Variants in CHGB observed in about 807,000 individuals in gnomAD.
CHGB encodes the protein chromogranin B.
In CHGB, 46 loss-of-function variants were observed where a neutral mutation model predicts 69.9. That is an observed-to-expected ratio of 0.66 (90% CI 0.52 to 0.84). The LOEUF (loss-of-function observed/expected upper bound fraction) is 0.84, where lower values mean the gene tolerates loss of function less well. Ranked by LOEUF, CHGB falls within the 40% of genes least tolerant of loss-of-function variation. The probability of loss-of-function intolerance (pLI) is 0.00; values close to 1 mark genes in which losing one functional copy is unlikely to be tolerated. For synonymous variants in CHGB, 312 were observed against 298.2 expected, an observed-to-expected ratio of 1.05 and a Z score of -0.48; for missense variants, 796 against 822.2, an observed-to-expected ratio of 0.97 and a Z score of 0.39.
Position 5,924,970 on chromosome 20 carries a change from A to G in CHGB, c.1957-2A>G, listed in dbSNP as rs779773203. 5 of 1,608,244 alleles carry G rather than the reference A, an allele frequency of 3.1e-6. No homozygotes were observed. Among genetic ancestry groups the G allele is most frequent in the East Asian group, 2.2e-5 (1 of 44,858 alleles). ...ATGCCTCCACTTTTCTGTATTTTCC[A>G]GAAAAAAGAACTCGAAAACTTGGCT... On this transcript the variant is annotated splice_acceptor_variant, in intron 4 of 4. Transcript: ENST00000378961. LOFTEE classifies it high-confidence loss of function.
At position 5,912,700 on chromosome 20, in the gene CHGB, T is replaced by C. The variant is rs12625175; in HGVS notation, c.49+1018T>C. On this transcript the variant is annotated intron_variant, in intron 1 of 4. Coordinates refer to ENST00000378961, the MANE Select transcript of CHGB (RefSeq NM_001819.3). Reference sequence around the variant, plus strand: ...TACCGGTATTGAGATATTGAGACTATTGAGAAGTAAGTATACTAGCACCAA... The same window carrying C: ...TACCGGTATTGAGATATTGAGACTACTGAGAAGTAAGTATACTAGCACCAA... Among the ~76,000 whole-genome samples, 1,940 of 152,190 alleles carry C rather than the reference T, an allele frequency of 0.013. 155 individuals carry two copies. The East Asian group carries it at 0.23, about 18-fold the overall frequency.
rs763410923 is a variant in CHGB at position 5,925,056 on chromosome 20, T to C, written c.*7T>C. 2.5e-6 allele frequency: 4 copies of C among 1,601,954 alleles called. No homozygotes were observed. The highest frequency in any genetic ancestry group is 2.2e-5 in the East Asian group (1 of 44,782). On this transcript the variant is annotated 3_prime_UTR_variant, in exon 5 of 5. Coordinates refer to ENST00000378961, the MANE Select transcript of CHGB (RefSeq NM_001819.3). ...ATTCAGCCAAAGGGGCTGACTGTCATTGGAGCGGTGGGCACTGTTAAGAAG... is the reference window on the plus strand; with the variant it reads ...ATTCAGCCAAAGGGGCTGACTGTCACTGGAGCGGTGGGCACTGTTAAGAAG...
Position 5,922,464 on chromosome 20 carries a change from C to A in CHGB, c.320C>A (p.Pro107Gln). The change falls in exon 4 of 5, where the codon CCA (proline) becomes CAA (glutamine). Residue 107 changes from proline to glutamine, a missense_variant. Transcript: ENST00000378961. ...TCCAGCAGGGGAGAGGCAGGAGCCC[C>A]AGGGGAGGAGGACATCCAAGGCCCA... ...ESSSRGEAGAPGEEDIQGPTK... is the reference protein window; with the variant it reads ...ESSSRGEAGAQGEEDIQGPTK... 6.2e-7 allele frequency: 1 copy of A among 1,613,696 alleles called. No homozygotes were observed. The highest frequency in any genetic ancestry group is 8.5e-7 in the Non-Finnish European group (1 of 1,179,674).
In CHGB at chr20:5,917,221, C is replaced by A. The variant is rs369696910; in HGVS notation, c.190+302C>A. The A allele has an allele frequency of 7.3e-4, 235 of 319,790 alleles. 3 individuals carry two copies. In the Middle Eastern group the frequency reaches 7.9e-3, roughly 11 times the overall value. The allele number at this position is 319,790 out of a possible 1,614,324, so 19.8% of individuals were successfully genotyped here. On this transcript the variant is annotated intron_variant, in intron 3 of 4. Transcript: ENST00000378961. The stretch of plus-strand genomic sequence containing the variant: ...CTATCCGTTCTTAAATTCCTTAGTT[C>A]CATACTTTGGATTTTTAGAACCGGA...
At chr20:5,924,393 C>A (rs1315629082) in intron 4 of CHGB, among the ~76,000 whole-genome samples, 2 of 152,164 alleles carry the variant, frequency 1.3e-5, no homozygotes, top group South Asian at 2.1e-4. Flanking sequence ...CTACTTAGTT[C>A]CTAGGGTGCT....
chr20:5,912,390 T>G lies in CHGB; in HGVS notation c.49+708T>G, dbSNP rs531032057. 1.4e-3 allele frequency among the ~76,000 whole-genome samples: 208 copies of G among 152,284 alleles called. 1 individual carries two copies. The highest frequency in any genetic ancestry group is 4.8e-3 in the African/African-American group (200 of 41,564). On this transcript the variant is annotated intron_variant, in intron 1 of 4. Coordinates refer to ENST00000378961, the MANE Select transcript of CHGB (RefSeq NM_001819.3). ...CAGTCCTGAGAACATGTGCTCCTCATTTTTTAGTTATGAATGGAAACCGCA... is the reference window on the plus strand; with the variant it reads ...CAGTCCTGAGAACATGTGCTCCTCAGTTTTTAGTTATGAATGGAAACCGCA...
chr20:5,912,235 T>TATA, intron 1 of CHGB, among the ~76,000 whole-genome samples: 1 of 152,376 alleles, frequency 6.6e-6, no homozygotes, highest in Non-Finnish European at 1.5e-5. Flanking sequence ...AATGTGTGTG[T>TATA]ATGTGTGCTC....
intron 1 of CHGB, among the ~76,000 whole-genome samples, chr20:5,913,634 T>C (rs928546764): frequency 1.6e-4 from 24 of 145,512 alleles, no homozygotes; most frequent in Non-Finnish European, 2.7e-4. Flanking sequence ...TTTTCTTTTT[T>C]TTTTTTTTTT....
At position 5,923,370 on chromosome 20, in the gene CHGB, G is replaced by A. The variant is rs1248303474; in HGVS notation, c.1226G>A (p.Arg409Lys). ...TATGGTGAAGAAAGTGAGGAAGAGA[G>A]GGGCCTTGAGCCGGGAAAGGGACGC... Reference protein sequence around the residue: ...HGYGEESEEERGLEPGKGRHH... With the variant: ...HGYGEESEEEKGLEPGKGRHH... Residue 409 changes from arginine to lysine, a missense_variant, in exon 4 of 5, where the codon AGG becomes AAG. By Grantham distance (26) the Arg-to-Lys change is conservative. Around this residue, in one of 3 missense-constraint regions of CHGB, gnomAD observed 518 missense variants for 506.3 expected, o/e 1.02. Transcript: ENST00000378961. 1.5e-5 allele frequency: 24 copies of A among 1,613,852 alleles called. No individual in the cohort carries two copies. The highest frequency in any genetic ancestry group is 2.0e-5 in the Non-Finnish European group (24 of 1,180,014).
chr20:5,914,047 G>A (rs1600210585), intron 1 of CHGB, among the ~76,000 whole-genome samples: 2 of 152,122 alleles, frequency 1.3e-5, no homozygotes, highest in East Asian at 3.8e-4. Flanking sequence ...GTTGCTCTCA[G>A]ATTTACCAGA....
At chr20:5,921,223 A>G (rs1268616213) in intron 3 of CHGB, among the ~76,000 whole-genome samples, 2 of 152,192 alleles carry the variant, frequency 1.3e-5, no homozygotes, top group Non-Finnish European at 2.9e-5. Flanking sequence ...AATTGTTGAG[A>G]TTATTTTACA....
Position 5,923,719 on chromosome 20 carries a change from C to A in CHGB, c.1575C>A (p.Tyr525Ter). 1 of 1,614,206 alleles carries A rather than the reference C, an allele frequency of 6.2e-7. No homozygotes were observed. The change falls in exon 4 of 5, where the codon TAC (tyrosine) becomes TAA (stop). Residue 525 changes from tyrosine (Y) to a stop codon, truncating the protein, a stop_gained. Transcript: ENST00000378961. LOFTEE classifies it high-confidence loss of function. ...GATTAGGGGAACTGTTCAACCCATA[C>A]TACGACCCTCTCCAGTGGAAGAGCA... is the stretch of plus-strand genomic sequence containing the variant. The part of the protein sequence containing the change: ...RKRLGELFNP[Y>*]YDPLQWKSSH...
At chr20:5,914,531 A>G (rs922820059) in intron 1 of CHGB, 1 of 152,258 alleles carries the variant, frequency 6.6e-6, no homozygotes, top group African/African-American at 2.4e-5. Context: ...GGAAAGTATT[A>G]GCAAGAAACT....
At chr20:5,924,166 C>G in intron 4 of CHGB, 66 bp downstream of exon 4, 1 of 1,468,112 alleles carries the variant, frequency 6.8e-7, no homozygotes, top group Non-Finnish European at 9.0e-7. Flanking sequence ...ATGTTCAAGA[C>G]TATCCGATAT....
Position 5,922,949 on chromosome 20 carries a change from G to T in CHGB, c.805G>T (p.Asp269Tyr). The T allele has an allele frequency of 6.2e-7, 1 of 1,611,612 alleles. No individual in the cohort carries two copies. The highest frequency in any genetic ancestry group is 8.5e-7 in the Non-Finnish European group (1 of 1,178,800). The stretch of plus-strand genomic sequence containing the variant: ...GGAAGAATCTGAGGAAGGTGAGGAA[G>T]ATGCCACCTCTGAGGTGGACAAACG... ...SQEESEEGEEDATSEVDKRRT... is the reference protein window; with the variant it reads ...SQEESEEGEEYATSEVDKRRT... The change falls in exon 4 of 5, where the codon GAT becomes TAT. Residue 269 changes from aspartate to tyrosine, a missense_variant. Coordinates refer to ENST00000378961, the MANE Select transcript of CHGB (RefSeq NM_001819.3).
At chr20:5,913,300 A>C (rs2088456553) in intron 1 of CHGB, among the ~76,000 whole-genome samples, 1 of 152,202 alleles carries the variant, frequency 6.6e-6, no homozygotes, top group Admixed American at 6.5e-5. Flanking sequence ...ACCACTATCA[A>C]ATTTCAGAAC....
At chr20:5,924,134 C>T (rs1264498514) in intron 4 of CHGB, 34 bp downstream of exon 4, 3 of 1,538,980 alleles carry the variant, frequency 1.9e-6, no homozygotes, top group Admixed American at 2.1e-5. Flanking sequence ...AAAGTACTTA[C>T]TCTGGTCAAT....
In CHGB at chr20:5,916,876, C is replaced by T. The variant is rs201703215; in HGVS notation, c.147C>T (p.Ser49=). The T allele has an allele frequency of 5.5e-5, 89 of 1,614,144 alleles. No individual in the cohort carries two copies. The highest frequency in any genetic ancestry group is 1.6e-4 in the Middle Eastern group (1 of 6,062). ...TCTCAAATGCCTTGTCGAAGTCCAG[C>T]GCTCCACCCATCACCCCTGAGTGCC... The part of the protein sequence containing the change: ...EVLSNALSKS[S]APPITPECRQ... The change falls in exon 3 of 5, where the codon AGC becomes AGT. Residue 49 remains serine (S), a synonymous_variant. Coordinates refer to ENST00000378961, the MANE Select transcript of CHGB (RefSeq NM_001819.3).
rs544071002 is a variant in CHGB at position 5,916,982 on chromosome 20, C to T, written c.190+63C>T. 62 of 1,410,288 alleles carry T rather than the reference C, an allele frequency of 4.4e-5. 2 individuals are homozygous for T. The South Asian group carries it at 6.4e-4, about 15-fold the overall frequency. 87.4% of individuals were successfully genotyped at this position (1,410,288 alleles called of 1,614,324 possible). A position where few individuals can be genotyped will look rare whatever the true frequency, so the allele number is the denominator to read the frequency against. ...CAGTGATCCTTGTTCCTACTCCCTC[C>T]ACATCACCTTCTACTTTATCTACAA... is the stretch of plus-strand genomic sequence containing the variant. On this transcript the variant is annotated intron_variant, in intron 3 of 4. Transcript: ENST00000378961.
Sources: allele counts gnomAD v4.1 joint callset (sites outside exome capture counted in the v4.1 genomes callset), GRCh38; gene constraint gnomAD v4.1.1; regional missense constraint gnomAD v4.1.1; transcripts MANE v1.5; gene names NCBI Gene and HGNC (gene_info 2026-07-23, HGNC 2026-07-21).